Variants in PIEZO2 observed in about 807,000 individuals in gnomAD.
PIEZO2 encodes the protein piezo type mechanosensitive ion channel component 2.
PIEZO2 carries 172 observed loss-of-function variants against 337.3 expected under a neutral mutation model. The ratio of observed to expected loss-of-function variants is 0.51; its 90% CI spans 0.45 to 0.58. The LOEUF (loss-of-function observed/expected upper bound fraction) is 0.58. PIEZO2 is among the 20% of genes least tolerant of loss of function. The pLI, the probability that PIEZO2 is intolerant of heterozygous loss-of-function variation, is 0.00. For missense variants in PIEZO2, 3,028 were observed against 3,391.3 expected, an observed-to-expected ratio of 0.89 and a Z score of 2.66; for synonymous variants, 1,251 against 1,228.5, an observed-to-expected ratio of 1.02 and a Z score of -0.38.
In PIEZO2 at chr18:10,953,560, T is replaced by C. The variant is rs2086705; in HGVS notation, c.286+25975A>G. ...AAGTGGCCGTGCACATACATGTGGGTCTATTTCTGTACTCTTTTTTTCCTT... is the reference window on the plus strand; with the variant it reads ...AAGTGGCCGTGCACATACATGTGGGCCTATTTCTGTACTCTTTTTTTCCTT... On this transcript the variant is annotated intron_variant, in intron 3 of 55. Transcript: ENST00000674853. The surrounding 1 kb of genome is among the most constrained non-coding windows in gnomAD (Gnocchi z 5.2). 0.032 allele frequency among the ~76,000 whole-genome samples: 4,852 copies of C among 152,088 alleles called. 257 individuals are homozygous for C. The highest frequency in any genetic ancestry group is 0.11 in the African/African-American group (4,495 of 41,442).
chr18:10,771,655 T>C (rs1404856211), intron 20 of PIEZO2, among the ~76,000 whole-genome samples: 2 of 152,336 alleles, frequency 1.3e-5, no homozygotes, highest in East Asian at 1.9e-4. Flanking sequence ...CTTTTATCCA[T>C]GGCTATGCTT....
In PIEZO2 at chr18:10,940,673, C is replaced by T. The variant is rs915243587; in HGVS notation, c.287-29445G>A. On this transcript the variant is annotated intron_variant, in intron 3 of 55. Transcript: ENST00000674853. The surrounding 1 kb of genome is among the most constrained non-coding windows in gnomAD (Gnocchi z 5.3). ...GGCCAAGTGATTGAGACCATCCTAG[C>T]CAACATGGTGAAACCCTATCTCTAC... Among the ~76,000 whole-genome samples the T allele has an allele frequency of 2.0e-5, 3 of 152,192 alleles. No individual in the cohort carries two copies. The highest frequency in any genetic ancestry group is 1.3e-4 in the Admixed American group (2 of 15,280).
intron 35 of PIEZO2, among the ~76,000 whole-genome samples, 95 bp downstream of exon 35, chr18:10,735,137 C>T (rs144954203): frequency 3.9e-5 from 6 of 152,220 alleles, no homozygotes; most frequent in African/African-American, 1.2e-4. Flanking sequence ...TCTATAGAAC[C>T]GAGAAAATGC....
In PIEZO2 at chr18:10,837,419, C is replaced by G. The variant is rs560106863; in HGVS notation, c.917+17934G>C. 5.3e-5 allele frequency among the ~76,000 whole-genome samples: 8 copies of G among 152,288 alleles called. No individual in the cohort carries two copies. Among genetic ancestry groups the G allele is most frequent in the African/African-American group, 1.9e-4 (8 of 41,564 alleles). The stretch of plus-strand genomic sequence containing the variant: ...CATACCACAGTGCTGATCCAGGTAC[C>G]TGTAGAGTGCTCCATCACGCTGGAC... On this transcript the variant is annotated intron_variant, in intron 7 of 55. Coordinates refer to ENST00000674853, the MANE Select transcript of PIEZO2 (RefSeq NM_001378183.1). This position sits in a 1 kb window ranked among gnomAD's most constrained non-coding sequence, Gnocchi z 4.4.
At chr18:10,985,190 C>A (rs151279605) in intron 2 of PIEZO2, among the ~76,000 whole-genome samples, 1 of 151,556 alleles carries the variant, frequency 6.6e-6, no homozygotes, top group African/African-American at 2.4e-5. Flanking sequence ...ATCAGAATAC[C>A]GTAATGGTGA....
intron 7 of PIEZO2, among the ~76,000 whole-genome samples, chr18:10,839,923 A>G (rs1402523374): frequency 6.6e-6 from 1 of 152,226 alleles, no homozygotes; most frequent in Middle Eastern, 3.2e-3. Flanking sequence ...TATCTAGGAA[A>G]AGAAACAATT....
chr18:10,812,305 T>A (rs990510427), intron 7 of PIEZO2, among the ~76,000 whole-genome samples: 16 of 152,150 alleles, frequency 1.1e-4, no homozygotes, highest in African/African-American at 4.8e-5. Flanking sequence ...TTGTTCTCAC[T>A]TGTAAGTGGG....
intron 1 of PIEZO2, among the ~76,000 whole-genome samples, chr18:11,106,714 T>G (rs1409119449): frequency 7.2e-5 from 11 of 152,140 alleles, no homozygotes. Flanking sequence ...GCACCCAGCT[T>G]GGCAGTGGAC....
chr18:10,731,399 C>A lies in PIEZO2; in HGVS notation c.5029+8G>T. The A allele has an allele frequency of 2.0e-6, 3 of 1,528,674 alleles. No homozygotes were observed. The highest frequency in any genetic ancestry group is 2.4e-5 in the South Asian group (2 of 83,380). 94.7% of individuals were successfully genotyped at this position (1,528,674 alleles called of 1,614,324 possible). A position where few individuals can be genotyped will look rare whatever the true frequency, so the allele number is the denominator to read the frequency against. ...ACACCCACCACAGCCACCCCACCCA[C>A]CACTCACCCTCCTTGGATCCTTTCC... On this transcript the variant is annotated splice_region_variant and intron_variant, in intron 36 of 55. Coordinates refer to ENST00000674853, the MANE Select transcript of PIEZO2 (RefSeq NM_001378183.1).
At position 10,750,014 on chromosome 18, in the gene PIEZO2, C is replaced by A; in HGVS notation, c.4264+77G>T. The A allele has an allele frequency of 1.8e-6, 2 of 1,130,304 alleles. No individual in the cohort carries two copies. The highest frequency in any genetic ancestry group is 3.8e-4 in the Middle Eastern group (2 of 5,200). 70.0% of individuals were successfully genotyped at this position (1,130,304 alleles called of 1,614,324 possible). On this transcript the variant is annotated intron_variant, in intron 29 of 55. Transcript: ENST00000674853. The surrounding 1 kb of genome is among the most constrained non-coding windows in gnomAD (Gnocchi z 4.1). ...CTTTTATATCTTTATGTGCTTTGGCCCACTTTTAAAACTAGAACAATACAA... is the reference window on the plus strand; with the variant it reads ...CTTTTATATCTTTATGTGCTTTGGCACACTTTTAAAACTAGAACAATACAA...
intron 1 of PIEZO2, 36 bp from the exon 2 acceptor site, chr18:11,066,258 A>C: frequency 2.6e-5 from 39 of 1,494,526 alleles, no homozygotes; most frequent in Non-Finnish European, 3.2e-5. Context: ...TGAGAAGATC[A>C]TTAACAAAGG....
chr18:11,024,829 G>C (rs1355463142), intron 2 of PIEZO2, among the ~76,000 whole-genome samples: 3 of 151,868 alleles, frequency 2.0e-5, no homozygotes, highest in Admixed American at 2.0e-4. Context: ...AGTAGAGATG[G>C]GGTTTCACCA....
chr18:11,023,141 T>C (rs2036377060), intron 2 of PIEZO2, among the ~76,000 whole-genome samples: 1 of 151,746 alleles, frequency 6.6e-6, no homozygotes, highest in Non-Finnish European at 1.5e-5. Context: ...CTGCAAAGAG[T>C]GAAAGAACAA....
chr18:10,724,582 TG>T lies in PIEZO2; in HGVS notation c.5030-6324del. ...CCCAGAAGTCGACAGTGTGGGGAGTTGGAGTGACCCAGCTGGATGTGACCCC... is the reference window on the plus strand; with the variant it reads ...CCCAGAAGTCGACAGTGTGGGGAGTTGAGTGACCCAGCTGGATGTGACCCC... On this transcript the variant is annotated intron_variant, in intron 36 of 55. Transcript: ENST00000674853. The surrounding 1 kb of genome is among the most constrained non-coding windows in gnomAD (Gnocchi z 5.8). 1.7e-6 allele frequency: 1 copy of T among 586,382 alleles called. No individual in the cohort carries two copies. Among genetic ancestry groups the T allele is most frequent in the Non-Finnish European group, 3.1e-6 (1 of 322,656 alleles). 36.3% of individuals were successfully genotyped at this position (586,382 alleles called of 1,614,324 possible).
chr18:11,063,712 T>C lies in PIEZO2; in HGVS notation c.160+2415A>G, dbSNP rs369595009. 3.9e-5 allele frequency among the ~76,000 whole-genome samples: 6 copies of C among 152,332 alleles called. No homozygotes were observed. In the East Asian group the frequency reaches 5.8e-4, roughly 15 times the overall value. ...GGCTCCTAAGGCTGATTCAAACTTA[T>C]TGTTTCAGGTGCAGGCTGCCCGGGA... On this transcript the variant is annotated intron_variant, in intron 2 of 55. Coordinates refer to ENST00000674853, the MANE Select transcript of PIEZO2 (RefSeq NM_001378183.1).
intron 3 of PIEZO2, among the ~76,000 whole-genome samples, chr18:10,924,400 T>A (rs928731479): frequency 2.6e-5 from 4 of 152,226 alleles, no homozygotes; most frequent in Admixed American, 6.5e-5. Context: ...CATTTAAACT[T>A]AAATCCTTCA....
rs553551840 is a variant in PIEZO2 at position 10,847,217 on chromosome 18, T to C, written c.917+8136A>G. Among the ~76,000 whole-genome samples, 312 of 152,316 alleles carry C rather than the reference T, an allele frequency of 2.0e-3. 1 individual carries two copies. Among genetic ancestry groups the C allele is most frequent in the African/African-American group, 7.0e-3 (292 of 41,568 alleles). On this transcript the variant is annotated intron_variant, in intron 7 of 55. Transcript: ENST00000674853. The surrounding 1 kb of genome is among the most constrained non-coding windows in gnomAD (Gnocchi z 5.7). Reference sequence around the variant, plus strand: ...ACCCATGTGATGCTCGCTGGCCAGATGACATGACGGCAGCCGGGGCAGGTG... The same window carrying C: ...ACCCATGTGATGCTCGCTGGCCAGACGACATGACGGCAGCCGGGGCAGGTG...
chr18:11,139,084 CTATT>C (rs2040567427), intron 1 of PIEZO2, among the ~76,000 whole-genome samples: 1 of 152,222 alleles, frequency 6.6e-6, no homozygotes, highest in Non-Finnish European at 1.5e-5. Context: ...ATAAAAGCAA[CTATT>C]TATTGAGTAT....
rs1054073787 is a variant in PIEZO2 at position 10,980,973 on chromosome 18, T to C, written c.161-1313A>G. 2.6e-5 allele frequency among the ~76,000 whole-genome samples: 4 copies of C among 152,168 alleles called. No homozygotes were observed. Among genetic ancestry groups the C allele is most frequent in the Admixed American group, 6.5e-5 (1 of 15,268 alleles). ...CCAGAAAACTAGTCGGAGGTGTGTG[T>C]GTAAGTGAGAGAGAAGAAACTGTCA... On this transcript the variant is annotated intron_variant, in intron 2 of 55. Transcript: ENST00000674853. This position sits in a 1 kb window ranked among gnomAD's most constrained non-coding sequence, Gnocchi z 4.8.
Sources: gnomAD v4.1 joint callset for allele counts (sites outside exome capture counted in the v4.1 genomes callset) on GRCh38, gnomAD v4.1.1 for gene constraint, Gnocchi (gnomAD v3.1) non-coding constraint, MANE v1.5 for transcripts, NCBI Gene and HGNC (gene_info 2026-07-23, HGNC 2026-07-21) for gene names.